The following PPARGC1A variants were observed in gnomAD, a reference collection of about 807,000 sequenced individuals.
PPARGC1A encodes PPARG coactivator 1 alpha.
PPARGC1A carries 25 observed loss-of-function variants against 88.7 expected under a neutral mutation model. The ratio of observed to expected loss-of-function variants is 0.28; its 90% CI spans 0.21 to 0.39. The LOEUF (loss-of-function observed/expected upper bound fraction) is 0.39, where lower values mean the gene tolerates loss of function less well. PPARGC1A is among the 10% of genes least tolerant of loss of function. PPARGC1A has a pLI of 1.00. For missense variants in PPARGC1A, 880 were observed against 968.7 expected (o/e 0.91, Z 1.22); for synonymous variants, 363 against 355.6 (o/e 1.02, Z -0.24).
the PPARGC1A span, among the ~76,000 whole-genome samples, chr4:24,275,109 G>T: frequency 1.3e-5 from 2 of 152,320 alleles, no homozygotes; most frequent in Non-Finnish European, 2.9e-5. Flanking sequence ...ATTTTGGAAA[G>T]AAATATTTTA....
the PPARGC1A span, among the ~76,000 whole-genome samples, chr4:23,989,392 C>T: frequency 6.6e-6 from 1 of 151,922 alleles, no homozygotes; most frequent in African/African-American, 2.4e-5. Flanking sequence ...TGGCATGATG[C>T]ATTTGAGCTT....
the PPARGC1A span, among the ~76,000 whole-genome samples, chr4:24,266,056 T>C: frequency 6.6e-6 from 1 of 152,192 alleles, no homozygotes; most frequent in Non-Finnish European, 1.5e-5. Flanking sequence ...GGCTCTGGCG[T>C]TAATGGGATT....
the PPARGC1A span, among the ~76,000 whole-genome samples, chr4:24,332,913 C>G: frequency 4.3e-4 from 65 of 152,278 alleles, no homozygotes; most frequent in East Asian, 0.012. Flanking sequence ...CATAGTGAGT[C>G]TAAGATGGAA....
the PPARGC1A span, among the ~76,000 whole-genome samples, chr4:24,122,416 C>CATATATAT: frequency 1.6e-5 from 2 of 128,034 alleles, no homozygotes; most frequent in African/African-American, 2.9e-5. Flanking sequence ...TGTGTGTGTG[C>CATATATAT]ATATATATAT....
intron 2 of PPARGC1A, among the ~76,000 whole-genome samples, chr4:23,879,429 G>A (rs1014672233): frequency 3.3e-5 from 5 of 152,292 alleles, no homozygotes; most frequent in Non-Finnish European, 5.9e-5. Flanking sequence ...AATGACTCAC[G>A]AGTCTAGGAA....
At chr4:24,427,383 C>T in the PPARGC1A span, among the ~76,000 whole-genome samples, 1 of 151,840 alleles carries the variant, frequency 6.6e-6, no homozygotes, top group South Asian at 2.1e-4. Flanking sequence ...TGGGCTCAAG[C>T]CATCCTCCCA....
the PPARGC1A span, among the ~76,000 whole-genome samples, chr4:24,416,677 G>A: frequency 6.6e-6 from 1 of 152,186 alleles, no homozygotes; most frequent in Non-Finnish European, 1.5e-5. Context: ...AGAGGCATCA[G>A]GATTGAAGTT....
chr4:24,062,454 T>C, the PPARGC1A span, among the ~76,000 whole-genome samples: 1 of 152,184 alleles, frequency 6.6e-6, no homozygotes, highest in East Asian at 1.9e-4. Flanking sequence ...GCAAGTAGAA[T>C]TTCCCTAACA....
At chr4:24,219,438 T>C in the PPARGC1A span, among the ~76,000 whole-genome samples, 1 of 152,204 alleles carries the variant, frequency 6.6e-6, no homozygotes, top group Non-Finnish European at 1.5e-5. Flanking sequence ...GGGCTCTAGC[T>C]TGCCCTGAAT....
At chr4:23,962,217 A>G in the PPARGC1A span, among the ~76,000 whole-genome samples, 3 of 152,014 alleles carry the variant, frequency 2.0e-5, no homozygotes, top group South Asian at 6.2e-4. Flanking sequence ...CTCAATATCA[A>G]CTCCACAACA....
the PPARGC1A span, among the ~76,000 whole-genome samples, chr4:24,026,387 A>T: frequency 6.6e-6 from 1 of 152,138 alleles, no homozygotes; most frequent in Admixed American, 6.6e-5. Flanking sequence ...CCTGGTAGAG[A>T]TTATCTGTTA....
the PPARGC1A span, among the ~76,000 whole-genome samples, chr4:24,003,289 G>C: frequency 6.6e-6 from 1 of 152,042 alleles, no homozygotes; most frequent in Non-Finnish European, 1.5e-5. Context: ...CAAGTGAACA[G>C]AACTGAAAGG....
At chr4:23,998,093 A>G in the PPARGC1A span, among the ~76,000 whole-genome samples, 1 of 152,208 alleles carries the variant, frequency 6.6e-6, no homozygotes, top group Non-Finnish European at 1.5e-5. Context: ...CTTGTTATGA[A>G]GTTCTCCACA....
chr4:23,982,619 C>A, the PPARGC1A span, among the ~76,000 whole-genome samples: 18,757 of 152,158 alleles, frequency 0.12, 1,472 homozygotes, highest in South Asian at 0.19. Context: ...TGAAGGACAA[C>A]CAGCAGTGTT....
chr4:23,847,197 G>A (rs973334605), intron 2 of PPARGC1A, among the ~76,000 whole-genome samples: 3 of 152,144 alleles, frequency 2.0e-5, no homozygotes, highest in Admixed American at 6.5e-5. Context: ...GAGGAAAGGT[G>A]AGAATATTTG....
At chr4:23,840,424 C>T (rs1726855790) in intron 2 of PPARGC1A, among the ~76,000 whole-genome samples, 1 of 152,112 alleles carries the variant, frequency 6.6e-6, no homozygotes, top group Admixed American at 6.6e-5. Context: ...GTCCTCAGGC[C>T]TTTGCACTTG....
the PPARGC1A span, among the ~76,000 whole-genome samples, chr4:24,075,985 T>A: frequency 1.3e-5 from 2 of 152,144 alleles, no homozygotes; most frequent in Non-Finnish European, 2.9e-5. Flanking sequence ...TCTCTGCATA[T>A]CTCCGTGTTC....
At chr4:24,132,867 C>T in the PPARGC1A span, among the ~76,000 whole-genome samples, 23 of 151,958 alleles carry the variant, frequency 1.5e-4, no homozygotes, top group African/African-American at 4.1e-4. Flanking sequence ...TGGCATTGCT[C>T]TGTGATAGCT....
the PPARGC1A span, among the ~76,000 whole-genome samples, chr4:23,990,532 G>A: frequency 2.2e-4 from 33 of 152,058 alleles, no homozygotes; most frequent in East Asian, 6.2e-3. Flanking sequence ...CATAAGGAAC[G>A]ACATCCGTCT....
Sources: gnomAD v4.1 joint callset for allele counts (sites outside exome capture counted in the v4.1 genomes callset) on GRCh38, gnomAD v4.1.1 for gene constraint, MANE v1.5 for transcripts, NCBI Gene and HGNC (gene_info 2026-07-23, HGNC 2026-07-21) for gene names.